The following FSTL5 variants were observed in gnomAD, a reference collection of about 807,000 sequenced individuals.
FSTL5 encodes follistatin like 5.
FSTL5 carries 62 observed loss-of-function variants against 89.1 expected under a neutral mutation model. That is an observed-to-expected ratio of 0.70 (90% CI 0.57 to 0.86). FSTL5 has a LOEUF of 0.86. Ranked by LOEUF, FSTL5 falls within the 40% of genes least tolerant of loss-of-function variation. The probability of loss-of-function intolerance (pLI) is 0.00; values close to 1 mark genes in which losing one functional copy is unlikely to be tolerated. For synonymous variants in FSTL5, 383 were observed against 346.2 expected (o/e 1.11, Z -1.18); for missense variants, 1,057 against 1,001.6 (o/e 1.06, Z -0.75).
chr4:161,670,153 G>C (rs952261420), intron 6 of FSTL5, among the ~76,000 whole-genome samples: 1 of 152,078 alleles, frequency 6.6e-6, no homozygotes, highest in African/African-American at 2.4e-5. Flanking sequence ...ACTTACTAAC[G>C]AAATTCAGTG....
At chr4:161,499,134 G>A (rs573584518) in intron 12 of FSTL5, among the ~76,000 whole-genome samples, 53 of 152,088 alleles carry the variant, frequency 3.5e-4, no homozygotes, top group Non-Finnish European at 4.7e-4. Context: ...CCCAGGAGGC[G>A]GAGGTTGCAG....
chr4:161,972,039 T>C (rs1404828698), intron 3 of FSTL5, among the ~76,000 whole-genome samples: 4 of 152,154 alleles, frequency 2.6e-5, no homozygotes, highest in African/African-American at 9.7e-5. Context: ...ACTTGTATAA[T>C]TCCTTCTGGC....
intron 1 of FSTL5, among the ~76,000 whole-genome samples, chr4:162,143,799 C>CAT (rs1732853783): frequency 7.3e-6 from 1 of 137,460 alleles, no homozygotes; most frequent in Non-Finnish European, 1.6e-5. Context: ...CACACACACA[C>CAT]ACACACACAC....
In FSTL5 at chr4:162,134,486, T is replaced by C. The variant is rs530552663; in HGVS notation, c.-16-23074A>G. 4.6e-5 allele frequency among the ~76,000 whole-genome samples: 7 copies of C among 152,252 alleles called. No individual in the cohort carries two copies. The South Asian group carries it at 1.4e-3, about 32-fold the overall frequency. Reference sequence around the variant, plus strand: ...AGACCACCTGAGAATATTTCAAAAATATTTTCATTTGTTCATGAAATATAC... The same window carrying C: ...AGACCACCTGAGAATATTTCAAAAACATTTTCATTTGTTCATGAAATATAC... On this transcript the variant is annotated intron_variant, in intron 1 of 15. Transcript: ENST00000306100.
intron 8 of FSTL5, among the ~76,000 whole-genome samples, chr4:161,565,092 TTG>T (rs1335701473): frequency 6.6e-6 from 1 of 151,892 alleles, no homozygotes; most frequent in Non-Finnish European, 1.5e-5. Flanking sequence ...TTAAAATGAT[TTG>T]TGTTAGCTGA....
chr4:162,106,183 T>A (rs1045526451), intron 2 of FSTL5, among the ~76,000 whole-genome samples: 10 of 152,232 alleles, frequency 6.6e-5, no homozygotes, highest in Admixed American at 2.6e-4. Context: ...CCTTTACAGA[T>A]AAACATTTTG....
intron 1 of FSTL5, among the ~76,000 whole-genome samples, chr4:162,153,745 A>AATATATGT (rs1561049116): frequency 9.1e-6 from 1 of 109,854 alleles, no homozygotes; most frequent in African/African-American, 3.2e-5. Context: ...TGTATATAAT[A>AATATATGT]ATATACATGT....
chr4:162,027,582 T>A (rs1737345190), intron 3 of FSTL5, among the ~76,000 whole-genome samples: 1 of 152,094 alleles, frequency 6.6e-6, no homozygotes, highest in Non-Finnish European at 1.5e-5. Context: ...ACATGACATA[T>A]TTTTTAAATA....
chr4:161,781,158 T>G (rs1299185602), intron 4 of FSTL5, among the ~76,000 whole-genome samples: 3 of 152,058 alleles, frequency 2.0e-5, no homozygotes, highest in African/African-American at 7.2e-5. Context: ...TAGATAAATA[T>G]TTTGTATTTA....
chr4:161,919,074 G>C (rs191231758), intron 4 of FSTL5, among the ~76,000 whole-genome samples: 1 of 152,100 alleles, frequency 6.6e-6, no homozygotes, highest in Admixed American at 6.6e-5. Flanking sequence ...ATTTCATAGT[G>C]TCAAGTATCA....
chr4:161,567,005 A>G (rs1291443914), intron 8 of FSTL5, among the ~76,000 whole-genome samples: 1 of 152,128 alleles, frequency 6.6e-6, no homozygotes, highest in Admixed American at 6.6e-5. Context: ...AATGAATGAA[A>G]TCAAATTTAC....
intron 7 of FSTL5, among the ~76,000 whole-genome samples, chr4:161,633,501 C>A (rs1353863718): frequency 6.6e-6 from 1 of 151,778 alleles, no homozygotes; most frequent in African/African-American, 2.4e-5. Flanking sequence ...CACACACCAC[C>A]ACACCCAGCT....
chr4:162,121,809 A>G (rs1221200049), intron 1 of FSTL5, among the ~76,000 whole-genome samples: 2 of 152,044 alleles, frequency 1.3e-5, no homozygotes, highest in African/African-American at 2.4e-5. Context: ...GCTATCCTTG[A>G]GAAAGCAAAA....
chr4:161,765,265 T>C (rs566763510), intron 5 of FSTL5, among the ~76,000 whole-genome samples: 26 of 152,208 alleles, frequency 1.7e-4, no homozygotes, highest in African/African-American at 5.8e-4. Context: ...TGATGTTAAA[T>C]AGGATTAATT....
At chr4:162,153,788 T>C (rs1018201741) in intron 1 of FSTL5, among the ~76,000 whole-genome samples, 2 of 122,112 alleles carry the variant, frequency 1.6e-5, no homozygotes, top group African/African-American at 5.4e-5. Context: ...TATACATATA[T>C]ATGTATATGT....
chr4:161,671,893 T>C (rs1282463231), intron 6 of FSTL5, among the ~76,000 whole-genome samples: 1 of 152,158 alleles, frequency 6.6e-6, no homozygotes, highest in African/African-American at 2.4e-5. Flanking sequence ...TCCTTCTCTC[T>C]TCTTAACATC....
chr4:161,987,686 C>A (rs1385075122), intron 3 of FSTL5, among the ~76,000 whole-genome samples: 1 of 148,684 alleles, frequency 6.7e-6, no homozygotes, highest in Non-Finnish European at 1.5e-5. Flanking sequence ...GTGACCTTAC[C>A]AAACTAAAAG....
chr4:161,795,421 C>T (rs1356286961), intron 4 of FSTL5, among the ~76,000 whole-genome samples: 1 of 151,794 alleles, frequency 6.6e-6, no homozygotes, highest in Non-Finnish European at 1.5e-5. Flanking sequence ...AGAGGAAGGC[C>T]CGGAAGAACC....
chr4:161,940,100 G>T (rs1254385749), intron 3 of FSTL5, among the ~76,000 whole-genome samples: 1 of 151,560 alleles, frequency 6.6e-6, no homozygotes, highest in Non-Finnish European at 1.5e-5. Flanking sequence ...TATTGTAAGA[G>T]CCAGAATTTC....
Sources: gnomAD v4.1 joint callset for allele counts (sites outside exome capture counted in the v4.1 genomes callset) on GRCh38, gnomAD v4.1.1 for gene constraint, MANE v1.5 for transcripts, NCBI Gene and HGNC (gene_info 2026-07-23, HGNC 2026-07-21) for gene names.